Variants in KCNN4 observed in about 807,000 individuals in gnomAD.
KCNN4 encodes the protein potassium calcium-activated channel subfamily N member 4, also known as intermediate conductance calcium-activated potassium channel protein 4.
In KCNN4, 31 loss-of-function variants were observed where a neutral mutation model predicts 45.2. The ratio of observed to expected loss-of-function variants is 0.69; its 90% CI spans 0.52 to 0.92. The LOEUF is 0.92. Among genes scored for constraint, KCNN4 ranks in the 40% least tolerant of loss-of-function variants. The pLI is 0.00. For synonymous variants in KCNN4, 231 were observed against 254.6 expected (o/e 0.91, Z 0.88); for missense variants, 463 against 574.0 (o/e 0.81, Z 1.98).
intron 7 of KCNN4, 143 bp from the exon 8 acceptor site, chr19:43,767,850 G>T: frequency 9.4e-7 from 1 of 1,060,640 alleles, no homozygotes; most frequent in Non-Finnish European, 1.4e-6. Flanking sequence ...ACCATGTATT[G>T]ACCACCTACC....
At chr19:43,776,505 G>A (rs1273555735) in intron 2 of KCNN4, 36 bp downstream of exon 2, 4 of 1,410,170 alleles carry the variant, frequency 2.8e-6, no homozygotes, top group Non-Finnish European at 3.0e-6. Flanking sequence ...TGAGGGGGTT[G>A]GAGGGAGCAA....
At chr19:43,770,937 G>T (rs1969626164) in intron 4 of KCNN4, among the ~76,000 whole-genome samples, 1 of 152,164 alleles carries the variant, frequency 6.6e-6, no homozygotes, top group East Asian at 1.9e-4. Flanking sequence ...CTCTTCCCTT[G>T]CTCCAAAGAC....
In KCNN4 at chr19:43,774,634, C is replaced by T. The variant is rs1371375961; in HGVS notation, c.256-15G>A. On this transcript the variant is annotated splice_polypyrimidine_tract_variant and intron_variant, in intron 2 of 8. Coordinates refer to ENST00000648319, the MANE Select transcript of KCNN4 (RefSeq NM_002250.3). The surrounding 1 kb of genome is among the most constrained non-coding windows in gnomAD (Gnocchi z 5.6). Reference sequence around the variant, plus strand: ...GTCATGAACAGCTGCCGGTAGGGGGCCAAGAAGGGAGGGGTCAGGAGCAGG... The same window carrying T: ...GTCATGAACAGCTGCCGGTAGGGGGTCAAGAAGGGAGGGGTCAGGAGCAGG... The T allele has an allele frequency of 2.7e-6, 4 of 1,485,468 alleles. No homozygotes were observed. The highest frequency in any genetic ancestry group is 3.5e-6 in the Non-Finnish European group (4 of 1,126,908). 92.0% of individuals were successfully genotyped at this position (1,485,468 alleles called of 1,614,324 possible). A position where few individuals can be genotyped will look rare whatever the true frequency, so the allele number is the denominator to read the frequency against.
chr19:43,777,817 C>A (rs1969857450), intron 1 of KCNN4, among the ~76,000 whole-genome samples: 1 of 152,242 alleles, frequency 6.6e-6, no homozygotes, highest in African/African-American at 2.4e-5. Flanking sequence ...GGGAGGGGAC[C>A]ACCTGGGCGT....
At chr19:43,768,194 A>G (rs3786954) in intron 7 of KCNN4, among the ~76,000 whole-genome samples, 42,039 of 152,082 alleles carry the variant, frequency 0.28, 6,361 homozygotes, top group African/African-American at 0.41. Flanking sequence ...AGAAATTACC[A>G]CCTGCCAATT....
At position 43,776,734 on chromosome 19, in the gene KCNN4, C is replaced by G. The variant is rs116344022; in HGVS notation, c.160-98G>C. ...AAACCACCATTTTTTTTTTTTGATT[C>G]CCAATTTTCCTAGCCTCCTTCCCCT... On this transcript the variant is annotated intron_variant, in intron 1 of 8. Coordinates refer to ENST00000648319, the MANE Select transcript of KCNN4 (RefSeq NM_002250.3). 4 of 748,700 alleles carry G rather than the reference C, an allele frequency of 5.3e-6. No homozygotes were observed. In the Admixed American group the frequency reaches 8.6e-5, roughly 16 times the overall value. The allele number at this position is 748,700 out of a possible 1,614,324, so 46.4% of individuals were successfully genotyped here. A position where few individuals can be genotyped will look rare whatever the true frequency, so the allele number is the denominator to read the frequency against.
intron 4 of KCNN4, 139 bp downstream of exon 4, chr19:43,771,861 C>T (rs1017694596): frequency 1.0e-6 from 1 of 995,792 alleles, no homozygotes; most frequent in Non-Finnish European, 1.4e-6. Flanking sequence ...GAGAATGGGG[C>T]TCTGGGGGCC....
chr19:43,774,760 T>C lies in KCNN4; in HGVS notation c.256-141A>G. 1.6e-6 allele frequency: 1 copy of C among 641,234 alleles called. No homozygotes were observed. 39.7% of individuals were successfully genotyped at this position (641,234 alleles called of 1,614,324 possible). On this transcript the variant is annotated intron_variant, in intron 2 of 8. Transcript: ENST00000648319. This position sits in a 1 kb window ranked among gnomAD's most constrained non-coding sequence, Gnocchi z 5.6. ...GAGGGAGTGCAGGGCGGGAGAGGGA[T>C]AGGGAGGGAGCGGGACAGGACTTGA...
intron 1 of KCNN4, among the ~76,000 whole-genome samples, chr19:43,779,272 C>G (rs1969902955): frequency 6.6e-6 from 1 of 152,170 alleles, no homozygotes; most frequent in Admixed American, 6.5e-5. Context: ...GTGTTCCCAC[C>G]TCGGCTTCTG....
At chr19:43,776,032 G>T (rs566250494) in intron 2 of KCNN4, among the ~76,000 whole-genome samples, 1 of 150,636 alleles carries the variant, frequency 6.6e-6, no homozygotes, top group East Asian at 2.0e-4. Flanking sequence ...GGAGGCTGAG[G>T]CATGAGAATT....
chr19:43,776,127 C>CAAAA (rs59704354), intron 2 of KCNN4, among the ~76,000 whole-genome samples: 4 of 40,986 alleles, frequency 9.8e-5, no homozygotes, highest in Non-Finnish European at 1.2e-4. Context: ...GACCTTGTCT[C>CAAAA]AAAAAAAAAA....
chr19:43,771,726 C>G (rs767299249), intron 4 of KCNN4, among the ~76,000 whole-genome samples: 1 of 152,118 alleles, frequency 6.6e-6, no homozygotes, highest in Non-Finnish European at 1.5e-5. Flanking sequence ...CACTCTGCCA[C>G]CCAGGCTGGA....
In KCNN4 at chr19:43,769,841, G is replaced by A; in HGVS notation, c.820-12C>T. 6.3e-7 allele frequency: 1 copy of A among 1,596,644 alleles called. No individual in the cohort carries two copies. Among genetic ancestry groups the A allele is most frequent in the Non-Finnish European group, 8.6e-7 (1 of 1,169,588 alleles). On this transcript the variant is annotated splice_polypyrimidine_tract_variant and intron_variant, in intron 4 of 8. Coordinates refer to ENST00000648319, the MANE Select transcript of KCNN4 (RefSeq NM_002250.3). The surrounding 1 kb of genome is among the most constrained non-coding windows in gnomAD (Gnocchi z 4.4). ...GTGCAGCAGACACCCTGTGGGCACA[G>A]CAGGCACCGTGGCATGAGGCTGTGC...
chr19:43,769,100 G>T lies in KCNN4; in HGVS notation c.1050-68C>A. 6.7e-7 allele frequency: 1 copy of T among 1,494,352 alleles called. No individual in the cohort carries two copies. Among genetic ancestry groups the T allele is most frequent in the Non-Finnish European group, 9.3e-7 (1 of 1,071,026 alleles). The allele number at this position is 1,494,352 out of a possible 1,614,324, so 92.6% of individuals were successfully genotyped here. A position where few individuals can be genotyped will look rare whatever the true frequency, so the allele number is the denominator to read the frequency against. ...TGAATGTAGCTGTAGCTCAGGGGAG[G>T]AATGAAGGGAGGAGAGGCACATGAA... On this transcript the variant is annotated intron_variant, in intron 6 of 8. Transcript: ENST00000648319. The surrounding 1 kb of genome is among the most constrained non-coding windows in gnomAD (Gnocchi z 4.4).
Position 43,769,883 on chromosome 19 carries a change from GA to G in KCNN4, c.820-55del, listed in dbSNP as rs1482029791. The G allele has an allele frequency of 7.0e-6, 9 of 1,293,532 alleles. No individual in the cohort carries two copies. The Admixed American group carries it at 1.6e-4, about 23-fold the overall frequency. 80.1% of individuals were successfully genotyped at this position (1,293,532 alleles called of 1,614,324 possible). On this transcript the variant is annotated intron_variant, in intron 4 of 8. Coordinates refer to ENST00000648319, the MANE Select transcript of KCNN4 (RefSeq NM_002250.3). This position sits in a 1 kb window ranked among gnomAD's most constrained non-coding sequence, Gnocchi z 4.4. ...AGGCTGTGCCACCGACTCCCTCCTT[GA>G]ACCCGCCCAACAGCCACAGACGGTA...
In KCNN4 at chr19:43,769,186, G is replaced by T; in HGVS notation, c.1050-154C>A. On this transcript the variant is annotated intron_variant, in intron 6 of 8. Transcript: ENST00000648319. This position sits in a 1 kb window ranked among gnomAD's most constrained non-coding sequence, Gnocchi z 4.4. ...GAAAGAGTGGGAGGGGATGCACCCT[G>T]CCTCCCCACGAGCCCCCATCCCCAG... 1.2e-6 allele frequency: 1 copy of T among 820,048 alleles called. No individual in the cohort carries two copies. Among genetic ancestry groups the T allele is most frequent in the Non-Finnish European group, 2.0e-6 (1 of 500,350 alleles). The allele number at this position is 820,048 out of a possible 1,614,324, so 50.8% of individuals were successfully genotyped here. A position where few individuals can be genotyped will look rare whatever the true frequency, so the allele number is the denominator to read the frequency against.
Position 43,769,180 on chromosome 19 carries a change from C to A in KCNN4, c.1050-148G>T, listed in dbSNP as rs1969563840. 2.3e-6 allele frequency: 2 copies of A among 862,300 alleles called. No individual in the cohort carries two copies. The highest frequency in any genetic ancestry group is 1.7e-5 in the African/African-American group (1 of 59,794). 53.4% of individuals were successfully genotyped at this position (862,300 alleles called of 1,614,324 possible). On this transcript the variant is annotated intron_variant, in intron 6 of 8. Transcript: ENST00000648319. The surrounding 1 kb of genome is among the most constrained non-coding windows in gnomAD (Gnocchi z 4.4). ...AGAGCTGAAAGAGTGGGAGGGGATG[C>A]ACCCTGCCTCCCCACGAGCCCCCAT...
Position 43,772,128 on chromosome 19 carries a change from C to A in KCNN4, c.691G>T (p.Val231Phe). 1 of 1,613,556 alleles carries A rather than the reference C, an allele frequency of 6.2e-7. No individual in the cohort carries two copies. The highest frequency in any genetic ancestry group is 8.5e-7 in the Non-Finnish European group (1 of 1,179,842). Residue 231 changes from valine (V) to phenylalanine (F), a missense_variant, in exon 4 of 9, where the codon GTT becomes TTT. By Grantham distance (50) the Val-to-Phe change is conservative (BLOSUM62 -1). Transcript: ENST00000648319. The surrounding 1 kb of genome is among the most constrained non-coding windows in gnomAD (Gnocchi z 4.4). ...TCTGAAAGGTGCCCAGTGGCATTAA[C>A]AGCCTGCCTATGGGGAAGGGTAGGT... ...WVLSVAERQA[V>F]NATGHLSDTL...
In KCNN4 at chr19:43,769,938, G is replaced by T; in HGVS notation, c.820-109C>A. 1.4e-6 allele frequency: 1 copy of T among 710,926 alleles called. No homozygotes were observed. Among genetic ancestry groups the T allele is most frequent in the Non-Finnish European group, 2.4e-6 (1 of 411,082 alleles). The allele number at this position is 710,926 out of a possible 1,614,324, so 44.0% of individuals were successfully genotyped here. A position where few individuals can be genotyped will look rare whatever the true frequency, so the allele number is the denominator to read the frequency against. ...ACGACCATCCCCAGTTAGCAGACAA[G>T]CAAAGAGGCTCAGAGAGGAGAGCCA... is the stretch of plus-strand genomic sequence containing the variant. On this transcript the variant is annotated intron_variant, in intron 4 of 8. Coordinates refer to ENST00000648319, the MANE Select transcript of KCNN4 (RefSeq NM_002250.3). The surrounding 1 kb of genome is among the most constrained non-coding windows in gnomAD (Gnocchi z 4.4).
Sources: allele counts gnomAD v4.1 joint callset (sites outside exome capture counted in the v4.1 genomes callset), GRCh38; gene constraint gnomAD v4.1.1; non-coding constraint Gnocchi (gnomAD v3.1); transcripts MANE v1.5; gene names NCBI Gene and HGNC (gene_info 2026-07-23, HGNC 2026-07-21).